NELL1: variants seen among roughly 807,000 people sequenced by gnomAD.
NELL1 encodes protein kinase C-binding protein NELL1.
Under a neutral mutation model 107.4 loss-of-function variants are expected in NELL1, and 76 were observed. The ratio of observed to expected loss-of-function variants is 0.71; its 90% confidence interval spans 0.59 to 0.86. NELL1 has a LOEUF of 0.86. Ranked by LOEUF, NELL1 falls within the 40% of genes least tolerant of loss-of-function variation. NELL1 has a pLI of 0.00. For missense variants in NELL1, 1,024 were observed against 1,005.5 expected (o/e 1.02, Z -0.25); for synonymous variants, 353 against 341.2 (o/e 1.03, Z -0.38).
At position 21,318,253 on chromosome 11, in the gene NELL1, T is replaced by C. The variant is rs147097842; in HGVS notation, c.1550-52600T>C. On this transcript the variant is annotated intron_variant, in intron 14 of 19. Coordinates refer to ENST00000357134, the MANE Select transcript of NELL1 (RefSeq NM_006157.5). ...AACATAAATCAAGTCAAACCTGACATTGGTGTGCAGAGATAGGACAGTATG... is the reference window on the plus strand; with the variant it reads ...AACATAAATCAAGTCAAACCTGACACTGGTGTGCAGAGATAGGACAGTATG... Among the ~76,000 whole-genome samples the C allele has an allele frequency of 5.2e-3, 788 of 152,318 alleles. 8 individuals carry two copies. Among genetic ancestry groups the C allele is most frequent in the African/African-American group, 0.018 (752 of 41,578 alleles).
At chr11:21,510,002 G>T (rs897066945) in intron 15 of NELL1, among the ~76,000 whole-genome samples, 2 of 152,148 alleles carry the variant, frequency 1.3e-5, no homozygotes, top group Non-Finnish European at 2.9e-5. Context: ...GGCAGTAGGT[G>T]CATGTACATG....
At chr11:21,449,643 G>A (rs768811018) in intron 15 of NELL1, among the ~76,000 whole-genome samples, 1 of 152,164 alleles carries the variant, frequency 6.6e-6, no homozygotes, top group Non-Finnish European at 1.5e-5. Flanking sequence ...ATCATGATGA[G>A]TTTCTCCAGT....
At chr11:21,018,573 T>A (rs1852624591) in intron 12 of NELL1, among the ~76,000 whole-genome samples, 1 of 152,132 alleles carries the variant, frequency 6.6e-6, no homozygotes, top group Non-Finnish European at 1.5e-5. Flanking sequence ...TTTTCCTCTC[T>A]GTCAGTCTGG....
chr11:20,887,362 G>A (rs1237501690), intron 5 of NELL1, among the ~76,000 whole-genome samples: 3 of 152,170 alleles, frequency 2.0e-5, no homozygotes, highest in Admixed American at 6.5e-5. Context: ...AAGTGTGTAG[G>A]TGTGGGCTTA....
At chr11:20,812,210 T>A (rs1456044821) in intron 3 of NELL1, among the ~76,000 whole-genome samples, 1 of 152,208 alleles carries the variant, frequency 6.6e-6, no homozygotes, top group Non-Finnish European at 1.5e-5. Context: ...TTTTTTTTCC[T>A]CCATTCTGCT....
chr11:21,378,862 T>A (rs780571736), intron 15 of NELL1, among the ~76,000 whole-genome samples: 8 of 151,608 alleles, frequency 5.3e-5, no homozygotes, highest in Non-Finnish European at 1.0e-4. Context: ...GGATTACAGA[T>A]GTTCTCCACC....
At chr11:21,238,564 A>G (rs1858268727) in intron 14 of NELL1, among the ~76,000 whole-genome samples, 1 of 152,076 alleles carries the variant, frequency 6.6e-6, no homozygotes, top group African/African-American at 2.4e-5. Context: ...TGGCAAAATG[A>G]GCTTCAAAGG....
intron 16 of NELL1, among the ~76,000 whole-genome samples, chr11:21,539,781 T>C (rs1856244693): frequency 6.6e-6 from 1 of 150,798 alleles, no homozygotes; most frequent in African/African-American, 2.4e-5. Flanking sequence ...ACCGATAGGG[T>C]GTGGTGGGCC....
At chr11:20,889,906 G>A (rs1167655010) in intron 5 of NELL1, among the ~76,000 whole-genome samples, 2 of 152,186 alleles carry the variant, frequency 1.3e-5, no homozygotes, top group African/African-American at 4.8e-5. Context: ...GTGTGGACCA[G>A]CAGACTTAGC....
At position 21,079,630 on chromosome 11, in the gene NELL1, G is replaced by T. The variant is rs545033390; in HGVS notation, c.1301-33959G>T. Among the ~76,000 whole-genome samples the T allele has an allele frequency of 2.2e-4, 34 of 152,018 alleles. No individual in the cohort carries two copies. The East Asian group carries it at 4.4e-3, about 20-fold the overall frequency. ...CCTCCTAAATAACAAATTGTTCAAAGAAAGAATAAAACATGAGTAACAAAT... is the reference window on the plus strand; with the variant it reads ...CCTCCTAAATAACAAATTGTTCAAATAAAGAATAAAACATGAGTAACAAAT... On this transcript the variant is annotated intron_variant, in intron 12 of 19. Coordinates refer to ENST00000357134, the MANE Select transcript of NELL1 (RefSeq NM_006157.5).
intron 12 of NELL1, among the ~76,000 whole-genome samples, chr11:21,051,813 A>G (rs1853500081): frequency 6.6e-6 from 1 of 152,150 alleles, no homozygotes; most frequent in African/African-American, 2.4e-5. Context: ...TGCATCAGGC[A>G]TGGTTCTAGG....
chr11:20,943,021 C>A (rs1850887730), intron 10 of NELL1, among the ~76,000 whole-genome samples: 1 of 150,680 alleles, frequency 6.6e-6, no homozygotes, highest in African/African-American at 2.4e-5. Context: ...TGGCACATTG[C>A]AGTTGCTCTA....
At chr11:20,673,134 T>C (rs1218323267) in intron 1 of NELL1, among the ~76,000 whole-genome samples, 1 of 152,026 alleles carries the variant, frequency 6.6e-6, no homozygotes, top group Non-Finnish European at 1.5e-5. Flanking sequence ...AGTGCTGAGA[T>C]TACAGGTGTG....
rs147024459 is a variant in NELL1 at position 20,970,501 on chromosome 11, T to G, written c.1300+9941T>G. ...CAATAGGATTTGTTCTATCCTAGGATTTAAATAGTGTTGTAGGAATACAAT... is the reference window on the plus strand; with the variant it reads ...CAATAGGATTTGTTCTATCCTAGGAGTTAAATAGTGTTGTAGGAATACAAT... On this transcript the variant is annotated intron_variant, in intron 12 of 19. Coordinates refer to ENST00000357134, the MANE Select transcript of NELL1 (RefSeq NM_006157.5). 9.9e-5 allele frequency among the ~76,000 whole-genome samples: 15 copies of G among 152,240 alleles called. No homozygotes were observed. The East Asian group carries it at 2.7e-3, about 27-fold the overall frequency.
In NELL1 at chr11:21,221,739, G is replaced by T. The variant is rs186640398; in HGVS notation, c.1427-7593G>T. Among the ~76,000 whole-genome samples, 1,145 of 152,172 alleles carry T rather than the reference G, an allele frequency of 7.5e-3. 12 individuals are homozygous for T. Among genetic ancestry groups the T allele is most frequent in the African/African-American group, 0.024 (994 of 41,514 alleles). ...GCAAGGTCTCACTCTGTTGCCCAGG[G>T]TGGAGTGAAGTGGCATGATCAGGGC... On this transcript the variant is annotated intron_variant, in intron 13 of 19. Transcript: ENST00000357134.
intron 15 of NELL1, among the ~76,000 whole-genome samples, chr11:21,479,486 T>A (rs1854434397): frequency 6.6e-6 from 1 of 152,072 alleles, no homozygotes. Flanking sequence ...AACTACAAAT[T>A]TAAACAGTTA....
At chr11:20,734,008 T>TGAAATGCTTA (rs148712830) in intron 2 of NELL1, among the ~76,000 whole-genome samples, 5,377 of 152,184 alleles carry the variant, frequency 0.035, 304 homozygotes, top group African/African-American at 0.12. Flanking sequence ...TGTTTTTAGA[T>TGAAATGCTTA]GAAATGCTTA....
At chr11:21,396,150 G>C (rs894186217) in intron 15 of NELL1, among the ~76,000 whole-genome samples, 1 of 151,250 alleles carries the variant, frequency 6.6e-6, no homozygotes, top group Non-Finnish European at 1.5e-5. Flanking sequence ...ACCATACCCT[G>C]TGAACTTGCT....
chr11:21,220,069 C>T (rs1278714625), intron 13 of NELL1, among the ~76,000 whole-genome samples: 1 of 152,152 alleles, frequency 6.6e-6, no homozygotes, highest in African/African-American at 2.4e-5. Context: ...AATCTGTCCC[C>T]ATGATTGAGT....
Sources: gnomAD v4.1 joint callset for allele counts (sites outside exome capture counted in the v4.1 genomes callset) on GRCh38, gnomAD v4.1.1 for gene constraint, MANE v1.5 for transcripts, NCBI Gene and HGNC (gene_info 2026-07-23, HGNC 2026-07-21) for gene names.